The following ANKDD1A variants were observed in gnomAD, a reference collection of about 807,000 sequenced individuals.
ANKDD1A encodes the protein ankyrin repeat and death domain-containing protein 1A.
ANKDD1A carries 59 observed loss-of-function variants against 63.5 expected under a neutral mutation model. That is an observed-to-expected ratio of 0.93 (90% CI 0.75 to 1.15). The LOEUF is 1.15. ANKDD1A is among the 50% of genes most tolerant of loss of function. The pLI, the probability that ANKDD1A is intolerant of heterozygous loss-of-function variation, is 0.00. For synonymous variants in ANKDD1A, 266 were observed against 263.9 expected, an observed-to-expected ratio of 1.01 and a Z score of -0.08; for missense variants, 632 against 656.4, an observed-to-expected ratio of 0.96 and a Z score of 0.41.
intron 14 of ANKDD1A, chr15:64,950,305 C>T (rs1296886940): frequency 2.5e-5 from 25 of 985,400 alleles, no homozygotes; most frequent in Non-Finnish European, 2.8e-5. Context: ...CTGGAACCAC[C>T]TCCAGACTTT....
chr15:64,955,778 G>A (rs2085411639), intron 14 of ANKDD1A, among the ~76,000 whole-genome samples: 1 of 152,184 alleles, frequency 6.6e-6, no homozygotes, highest in South Asian at 2.1e-4. Context: ...AGTCACACAT[G>A]CCTGATGGGG....
chr15:64,943,304 T>A (rs28368318), intron 10 of ANKDD1A, 180 bp from the exon 11 acceptor site: 563,876 of 592,972 alleles, frequency 0.95, 271,261 homozygotes, highest in East Asian at 1. Context: ...GGTAAAAAAA[T>A]TAAGATGTAA....
intron 14 of ANKDD1A, chr15:64,951,557 T>TTTTCTTCTG (rs1249631571): frequency 2.9e-4 from 3 of 10,438 alleles, no homozygotes; most frequent in Admixed American, 1.9e-3. Context: ...TTCTCTTCTT[T>TTTTCTTCTG]CTTTTTCTTT....
At position 64,958,629 on chromosome 15, in the gene ANKDD1A, T is replaced by C. The variant is rs2085442818; in HGVS notation, c.*1441T>C. 6.6e-6 allele frequency: 1 copy of C among 152,244 alleles called. No homozygotes were observed. The highest frequency in any genetic ancestry group is 1.5e-5 in the Non-Finnish European group (1 of 68,046). 9.4% of individuals were successfully genotyped at this position (152,244 alleles called of 1,614,324 possible). A position where few individuals can be genotyped will look rare whatever the true frequency, so the allele number is the denominator to read the frequency against. On this transcript the variant is annotated 3_prime_UTR_variant, in exon 15 of 15. Coordinates refer to ENST00000319580, the MANE Select transcript of ANKDD1A (RefSeq NM_182703.6). ...CTGGATGAATTTTATAAAATGAATT[T>C]TGTAATTTTTTTCTGAGAAAAAAAA...
rs1198607955 is a variant in ANKDD1A at position 64,949,991 on chromosome 15, G to A, written c.1483+19G>A. On this transcript the variant is annotated intron_variant, in intron 14 of 14. Coordinates refer to ENST00000319580, the MANE Select transcript of ANKDD1A (RefSeq NM_182703.6). The stretch of plus-strand genomic sequence containing the variant: ...CTGGCTGGTAAGAGCGTACTCTGCT[G>A]GGCTGCTTCTCAGGAGCTGGGTGGC... 1 of 1,605,152 alleles carries A rather than the reference G, an allele frequency of 6.2e-7. No individual in the cohort carries two copies. The highest frequency in any genetic ancestry group is 8.5e-7 in the Non-Finnish European group (1 of 1,177,664).
At chr15:64,935,295 C>A (rs1236324704) in intron 9 of ANKDD1A, among the ~76,000 whole-genome samples, 2 of 151,554 alleles carry the variant, frequency 1.3e-5, no homozygotes, top group Non-Finnish European at 2.9e-5. Context: ...CTTTGGGAGG[C>A]CAAGGTGAGC....
chr15:64,913,401 G>GTGA (rs2084946852), intron 1 of ANKDD1A, among the ~76,000 whole-genome samples: 1 of 152,166 alleles, frequency 6.6e-6, no homozygotes, highest in Non-Finnish European at 1.5e-5. Flanking sequence ...AGGAATAATA[G>GTGA]TGATGATGAT....
At chr15:64,940,628 T>C (rs189640415) in intron 9 of ANKDD1A, among the ~76,000 whole-genome samples, 2,375 of 149,696 alleles carry the variant, frequency 0.016, 67 homozygotes, top group African/African-American at 0.053. Flanking sequence ...TTAGTAGAGA[T>C]GGGGTTTCAC....
At chr15:64,948,479 A>C (rs2085241424) in intron 13 of ANKDD1A, among the ~76,000 whole-genome samples, 1 of 152,114 alleles carries the variant, frequency 6.6e-6, no homozygotes, top group South Asian at 2.1e-4. Context: ...AATAAAGGGG[A>C]TCTAACCCAA....
rs768444723 is a variant in ANKDD1A, at chr15:64,942,457, C to A, written c.868-10C>A. 1 of 1,605,054 alleles carries A rather than the reference C, an allele frequency of 6.2e-7. No homozygotes were observed. Among genetic ancestry groups the A allele is most frequent in the Admixed American group, 1.7e-5 (1 of 59,326 alleles). ...GACTGGTCGATTGATCCGTGTATCT[C>A]CTCCCACAGCAGGGTGCCTCTCCTC... On this transcript the variant is annotated splice_polypyrimidine_tract_variant and intron_variant, in intron 9 of 14. Transcript: ENST00000319580.
At chr15:64,932,850 A>G (rs1358326056) in intron 8 of ANKDD1A, 1 of 151,902 alleles carries the variant, frequency 6.6e-6, no homozygotes, top group African/African-American at 2.4e-5. Context: ...TTGGGAGGCC[A>G]AAGCTGGAAT....
At chr15:64,912,503 G>A (rs2084939066) in intron 1 of ANKDD1A, among the ~76,000 whole-genome samples, 1 of 152,214 alleles carries the variant, frequency 6.6e-6, no homozygotes, top group African/African-American at 2.4e-5. Context: ...AGAGGAGCCT[G>A]ACTGGCCACA....
Position 64,934,142 on chromosome 15 carries a change from C to T in ANKDD1A, c.775C>T (p.Leu259=). The T allele has an allele frequency of 6.2e-7, 1 of 1,608,150 alleles. No homozygotes were observed. Among genetic ancestry groups the T allele is most frequent in the South Asian group, 1.1e-5 (1 of 89,758 alleles). ...STVNALTQKN[L]SCLHYAALSG... is the part of the protein sequence containing the mutation. ...GATGCCTGTTTCCTTCTAGAAAAACCTAAGCTGCCTTCACTATGCAGCCCT... is the reference window on the plus strand; with the variant it reads ...GATGCCTGTTTCCTTCTAGAAAAACTTAAGCTGCCTTCACTATGCAGCCCT... Residue 259 remains leucine (L), a synonymous_variant, in exon 9 of 15, where the codon CTA becomes TTA. Coordinates refer to ENST00000319580, the MANE Select transcript of ANKDD1A (RefSeq NM_182703.6).
intron 12 of ANKDD1A, among the ~76,000 whole-genome samples, chr15:64,945,635 CTTT>C (rs1264262046): frequency 1.2e-5 from 1 of 85,398 alleles, no homozygotes; most frequent in Non-Finnish European, 2.0e-5. Flanking sequence ...TATATATGAA[CTTT>C]TTTTTTTTTT....
intron 8 of ANKDD1A, 86 bp from the exon 9 acceptor site, chr15:64,934,049 CA>C: frequency 6.1e-6 from 7 of 1,143,506 alleles, no homozygotes. Context: ...TTGTGACACT[CA>C]AATGGAAAAA....
intron 14 of ANKDD1A, chr15:64,951,009 C>A (rs778635327): frequency 1.3e-5 from 16 of 1,271,670 alleles, no homozygotes; most frequent in Non-Finnish European, 1.5e-5. Flanking sequence ...GGTGCACAGC[C>A]ATGTAACCGG....
At chr15:64,940,629 G>A (rs1322518114) in intron 9 of ANKDD1A, among the ~76,000 whole-genome samples, 1 of 151,660 alleles carries the variant, frequency 6.6e-6, no homozygotes, top group South Asian at 2.1e-4. Context: ...TAGTAGAGAT[G>A]GGGTTTCACC....
At chr15:64,941,566 C>A (rs1031083592) in intron 9 of ANKDD1A, among the ~76,000 whole-genome samples, 10 of 152,302 alleles carry the variant, frequency 6.6e-5, no homozygotes, top group African/African-American at 2.2e-4. Flanking sequence ...ACACTCCATA[C>A]CCACTGGCCT....
intron 11 of ANKDD1A, 80 bp downstream of exon 11, chr15:64,943,662 CCCT>C: frequency 2.2e-5 from 28 of 1,251,638 alleles, no homozygotes; most frequent in Non-Finnish European, 3.0e-5. Context: ...AATGCCCCCT[CCCT>C]CCTCCTTCTC....
Sources: allele counts gnomAD v4.1 joint callset (sites outside exome capture counted in the v4.1 genomes callset), GRCh38; gene constraint gnomAD v4.1.1; transcripts MANE v1.5; gene names NCBI Gene and HGNC (gene_info 2026-07-23, HGNC 2026-07-21).